Variants in GMPS observed in about 807,000 individuals in gnomAD.
The protein encoded by GMPS is guanosine monophosphate synthase.
GMPS carries 15 observed loss-of-function variants against 77.9 expected under a neutral mutation model. That is an observed-to-expected ratio of 0.19 (90% CI 0.13 to 0.30). The LOEUF (loss-of-function observed/expected upper bound fraction) is 0.30, where lower values mean the gene tolerates loss of function less well. Ranked by LOEUF, GMPS falls within the 10% of genes least tolerant of loss-of-function variation. GMPS has a pLI of 1.00. For synonymous variants in GMPS, 224 were observed against 275.9 expected (o/e 0.81, Z 1.86); for missense variants, 590 against 838.8 (o/e 0.70, Z 3.66).
At chr3:155,935,164 C>T in intron 14 of GMPS, 118 bp downstream of exon 14, 3 of 744,512 alleles carry the variant, frequency 4.0e-6, no homozygotes, top group Non-Finnish European at 4.7e-6. Context: ...TTATTTAAAT[C>T]TTTGAATGTT....
chr3:155,911,381 C>A, intron 7 of GMPS, 102 bp downstream of exon 7: 1 of 650,828 alleles, frequency 1.5e-6, no homozygotes, highest in Non-Finnish European at 2.5e-6. Flanking sequence ...TCTCAGTATG[C>A]TCAAGGTTGA....
In GMPS at chr3:155,911,162, A is replaced by C; in HGVS notation, c.769A>C (p.Asn257His). The change falls in exon 7 of 16, where the codon AAT becomes CAT. Residue 257 changes from asparagine to histidine, a missense_variant. Around this residue, in one of 6 missense-constraint regions of GMPS, gnomAD observed 181 missense variants for 186.8 expected, o/e 0.97. Transcript: ENST00000496455. ...CTCAACAGTTTGTACAGCTTTGCTA[A>C]ATCGTGCTTTGAACCAAGAACAAGT... ...VDSTVCTALL[N>H]RALNQEQVIA... The C allele has an allele frequency of 6.2e-7, 1 of 1,613,226 alleles. No individual in the cohort carries two copies. Among genetic ancestry groups the C allele is most frequent in the Non-Finnish European group, 8.5e-7 (1 of 1,179,270 alleles).
intron 14 of GMPS, among the ~76,000 whole-genome samples, chr3:155,935,368 G>A (rs913205658): frequency 6.6e-6 from 1 of 152,122 alleles, no homozygotes; most frequent in African/African-American, 2.4e-5. Flanking sequence ...ATTTTTAGTA[G>A]AGATAGGGTT....
chr3:155,911,611 T>C (rs1266903374), intron 7 of GMPS, among the ~76,000 whole-genome samples: 2 of 151,918 alleles, frequency 1.3e-5, no homozygotes. Context: ...TCAAGGTGGG[T>C]GGATCACCTG....
chr3:155,874,220 T>A (rs1317927657), intron 1 of GMPS, among the ~76,000 whole-genome samples: 1 of 152,176 alleles, frequency 6.6e-6, no homozygotes, highest in Non-Finnish European at 1.5e-5. Context: ...ACTTGTCAAG[T>A]TTCCTACTCT....
At chr3:155,881,328 A>G (rs1395397121) in intron 1 of GMPS, among the ~76,000 whole-genome samples, 1 of 151,826 alleles carries the variant, frequency 6.6e-6, no homozygotes, top group Non-Finnish European at 1.5e-5. Context: ...GTGTGCCACC[A>G]TGCCCGGCTA....
At chr3:155,871,258 G>A (rs964328352) in intron 1 of GMPS, among the ~76,000 whole-genome samples, 4 of 152,002 alleles carry the variant, frequency 2.6e-5, no homozygotes, top group African/African-American at 9.7e-5. Flanking sequence ...TCTGCGTGTC[G>A]GGGTGGGGGC....
chr3:155,899,428 TTTTC>T (rs1281426681), intron 3 of GMPS, among the ~76,000 whole-genome samples: 51 of 102,432 alleles, frequency 5.0e-4, no homozygotes, highest in African/African-American at 1.8e-3. Context: ...GATACTCTTC[TTTTC>T]TTTTTTTTTT....
intron 2 of GMPS, chr3:155,895,378 T>C (rs946970598): frequency 1.8e-4 from 28 of 152,238 alleles, no homozygotes; most frequent in African/African-American, 5.8e-4. Flanking sequence ...CGATCTTGGC[T>C]CACTGCAGCC....
chr3:155,922,152 TTAA>T, intron 10 of GMPS, 32 bp from the exon 11 acceptor site: 1 of 781,330 alleles, frequency 1.3e-6, no homozygotes, highest in Non-Finnish European at 2.0e-6. Context: ...AAATATAACA[TTAA>T]TGTTAAATAC....
chr3:155,941,620 T>G lies in GMPS; in HGVS notation c.*3928T>G. 1 of 222,062 alleles carries G rather than the reference T, an allele frequency of 4.5e-6. No individual in the cohort carries two copies. The highest frequency in any genetic ancestry group is 9.0e-6 in the Non-Finnish European group (1 of 111,032). 13.8% of individuals were successfully genotyped at this position (222,062 alleles called of 1,614,324 possible). On this transcript the variant is annotated 3_prime_UTR_variant, in exon 16 of 16. Transcript: ENST00000496455. ...ATATGTGGCGAGGACACGCCTTAGC[T>G]ATCACCCCAATGGATGCTTCTTTCA...
intron 9 of GMPS, among the ~76,000 whole-genome samples, chr3:155,917,974 A>G (rs1755228148): frequency 6.6e-6 from 1 of 152,244 alleles, no homozygotes; most frequent in African/African-American, 2.4e-5. Flanking sequence ...ATATATGCCC[A>G]GAATTGGGAT....
intron 7 of GMPS, among the ~76,000 whole-genome samples, chr3:155,912,073 G>A (rs965480465): frequency 1.3e-5 from 2 of 151,940 alleles, no homozygotes; most frequent in Admixed American, 1.3e-4. Context: ...AAAACAAGGT[G>A]CAATTGATAG....
rs373988851 is a variant in GMPS at position 155,881,146 on chromosome 3, A to G, written c.27+10249A>G. 7.6e-5 allele frequency among the ~76,000 whole-genome samples: 11 copies of G among 143,802 alleles called. No individual in the cohort carries two copies. In the East Asian group the frequency reaches 1.0e-3, roughly 14 times the overall value. 94.3% of individuals were successfully genotyped at this position (143,802 alleles called of 152,430 possible). On this transcript the variant is annotated intron_variant, in intron 1 of 15. Coordinates refer to ENST00000496455, the MANE Select transcript of GMPS (RefSeq NM_003875.3). ...GTATGTTAATAATTAAGAGCCTGCT[A>G]TGGATGCTTTGATATTAGTTTTTTT... is the stretch of plus-strand genomic sequence containing the variant.
intron 2 of GMPS, among the ~76,000 whole-genome samples, chr3:155,894,078 C>T (rs1447465808): frequency 6.6e-6 from 1 of 152,164 alleles, no homozygotes; most frequent in East Asian, 1.9e-4. Context: ...TTTTTGCTTC[C>T]TATCCCAATA....
At position 155,911,122 on chromosome 3, in the gene GMPS, C is replaced by T; in HGVS notation, c.729C>T (p.Leu243=). 1 of 1,596,480 alleles carries T rather than the reference C, an allele frequency of 6.3e-7. No individual in the cohort carries two copies. Residue 243 remains leucine (L), a synonymous_variant, in exon 7 of 16, where the codon CTC becomes CTT. Coordinates refer to ENST00000496455, the MANE Select transcript of GMPS (RefSeq NM_003875.3). ...RVGTSKVLVL[L]SGGVDSTVCT... The stretch of plus-strand genomic sequence containing the variant: ...TTCATTTTACCCCGTAGGTTTTACT[C>T]AGTGGTGGAGTAGACTCAACAGTTT...
intron 1 of GMPS, among the ~76,000 whole-genome samples, chr3:155,892,620 A>T (rs1048767118): frequency 2.0e-5 from 3 of 152,198 alleles, no homozygotes; most frequent in African/African-American, 7.2e-5. Flanking sequence ...AATCAGATTT[A>T]AAAAGTCTTT....
chr3:155,927,600 C>G (rs1307251780), intron 12 of GMPS, among the ~76,000 whole-genome samples: 1 of 151,810 alleles, frequency 6.6e-6, no homozygotes, highest in African/African-American at 2.4e-5. Context: ...CCTTGCAAGC[C>G]CAGATAAAAA....
chr3:155,892,446 C>T lies in GMPS; in HGVS notation c.28-1072C>T, dbSNP rs112652959. On this transcript the variant is annotated intron_variant, in intron 1 of 15. Coordinates refer to ENST00000496455, the MANE Select transcript of GMPS (RefSeq NM_003875.3). ...ACTTAATGTACCTATCACCCAACTT[C>T]AGTGATTTCAGTACACGGGCAGTCT... Among the ~76,000 whole-genome samples, 79 of 152,270 alleles carry T rather than the reference C, an allele frequency of 5.2e-4. 4 individuals carry two copies. Among genetic ancestry groups the T allele is most frequent in the African/African-American group, 1.8e-3 (76 of 41,550 alleles).
Sources: gnomAD v4.1 joint callset for allele counts (sites outside exome capture counted in the v4.1 genomes callset) on GRCh38, gnomAD v4.1.1 for gene constraint, gnomAD v4.1.1 regional missense constraint, MANE v1.5 for transcripts, NCBI Gene and HGNC (gene_info 2026-07-23, HGNC 2026-07-21) for gene names.